The following GPR39 variants were observed in gnomAD, a reference collection of about 807,000 sequenced individuals.
GPR39 encodes the protein G protein-coupled receptor 39.
A neutral mutation model predicts 18.4 loss-of-function variants in GPR39; 23 were observed. The observed-to-expected ratio is 1.25, with a 90% CI of 0.90 to 1.77. GPR39 has a LOEUF of 1.77. Among genes scored for constraint, GPR39 ranks in the 40% most tolerant of loss-of-function variants. GPR39 has a pLI of 0.00. For missense variants in GPR39, 647 were observed against 602.4 expected (o/e 1.07, Z -0.78); for synonymous variants, 280 against 257.9 (o/e 1.09, Z -0.82).
At chr2:132,485,273 G>A (rs1260208638) in intron 1 of GPR39, among the ~76,000 whole-genome samples, 1 of 152,124 alleles carries the variant, frequency 6.6e-6, no homozygotes, top group Non-Finnish European at 1.5e-5. Flanking sequence ...GATCATCTGA[G>A]CCATCTGTGA....
rs1160992250 is a variant in GPR39, at chr2:132,493,158, TACCATATATAC to T, written c.856+75282_856+75292del. ...ACCATATATATACATTCCATATATA[TACCATATATAC>T]ACCATATATACACCATATATATACA... On this transcript the variant is annotated intron_variant, in intron 1 of 1. Transcript: ENST00000329321. Among the ~76,000 whole-genome samples, 572 of 140,530 alleles carry T rather than the reference TACCATATATAC, an allele frequency of 4.1e-3. 10 individuals carry two copies. The highest frequency in any genetic ancestry group is 0.014 in the African/African-American group (495 of 36,614). The allele number at this position is 140,530 out of a possible 152,430, so 92.2% of individuals were successfully genotyped here. A position where few individuals can be genotyped will look rare whatever the true frequency, so the allele number is the denominator to read the frequency against.
At chr2:132,579,684 T>C (rs193288766) in intron 1 of GPR39, among the ~76,000 whole-genome samples, 113 of 152,152 alleles carry the variant, frequency 7.4e-4, no homozygotes, top group Non-Finnish European at 3.5e-4. Context: ...TGACTAAAAA[T>C]TGAGTTTTTA....
chr2:132,480,421 C>G (rs1681212448), intron 1 of GPR39, among the ~76,000 whole-genome samples: 1 of 151,910 alleles, frequency 6.6e-6, no homozygotes, highest in Non-Finnish European at 1.5e-5. Context: ...TGTGGGCTTT[C>G]AAAACCATAA....
At chr2:132,514,358 A>G (rs189406336) in intron 1 of GPR39, among the ~76,000 whole-genome samples, 6 of 152,064 alleles carry the variant, frequency 3.9e-5, no homozygotes, top group Middle Eastern at 3.4e-3. Context: ...GTACACCCTC[A>G]CCATTGCTCC....
Position 132,646,047 on chromosome 2 carries a change from A to G in GPR39, c.*441A>G. The G allele has an allele frequency of 1.9e-6, 3 of 1,556,200 alleles. No homozygotes were observed. The highest frequency in any genetic ancestry group is 2.6e-6 in the Non-Finnish European group (3 of 1,148,230). Reference sequence around the variant, plus strand: ...AGGGGGTGGCATCTCCTTCAGCTTCAGCAGTGTGCCGAGAAGAGGGCTAAT... The same window carrying G: ...AGGGGGTGGCATCTCCTTCAGCTTCGGCAGTGTGCCGAGAAGAGGGCTAAT... On this transcript the variant is annotated 3_prime_UTR_variant, in exon 2 of 2. Coordinates refer to ENST00000329321, the MANE Select transcript of GPR39 (RefSeq NM_001508.3).
At chr2:132,427,749 A>C (rs1680152976) in intron 1 of GPR39, among the ~76,000 whole-genome samples, 1 of 150,332 alleles carries the variant, frequency 6.7e-6, no homozygotes, top group African/African-American at 2.4e-5. Context: ...TATAGTGACT[A>C]TTCACAGACA....
intron 1 of GPR39, among the ~76,000 whole-genome samples, chr2:132,541,782 C>A (rs943187793): frequency 6.6e-6 from 1 of 152,160 alleles, no homozygotes; most frequent in Admixed American, 6.5e-5. Context: ...AAGTAGAGAT[C>A]ATAGTCATGT....
At chr2:132,624,244 T>C (rs1381765088) in intron 1 of GPR39, among the ~76,000 whole-genome samples, 4 of 152,192 alleles carry the variant, frequency 2.6e-5, no homozygotes, top group African/African-American at 7.2e-5. Flanking sequence ...TCTGTGCATG[T>C]CTGTGTCCAA....
At chr2:132,551,291 A>T (rs568073000) in intron 1 of GPR39, among the ~76,000 whole-genome samples, 7 of 152,298 alleles carry the variant, frequency 4.6e-5, no homozygotes, top group African/African-American at 1.7e-4. Flanking sequence ...GGGAAAAAAA[A>T]ACTTTCCCAG....
chr2:132,513,889 A>AT (rs1011770713), intron 1 of GPR39, among the ~76,000 whole-genome samples: 1 of 152,008 alleles, frequency 6.6e-6, no homozygotes, highest in Non-Finnish European at 1.5e-5. Flanking sequence ...AATATTTTGT[A>AT]TTTTTTGTAG....
chr2:132,495,183 G>A lies in GPR39; in HGVS notation c.856+77285G>A, dbSNP rs1681616612. Reference sequence around the variant, plus strand: ...AGAGAGCATCATAGCATATATGCTGGCATGTTCTAGAAGGCTCCATGGAGG... The same window carrying A: ...AGAGAGCATCATAGCATATATGCTGACATGTTCTAGAAGGCTCCATGGAGG... On this transcript the variant is annotated intron_variant, in intron 1 of 1. Transcript: ENST00000329321. Among the ~76,000 whole-genome samples the A allele has an allele frequency of 5.9e-5, 9 of 152,198 alleles. No homozygotes were observed. In the South Asian group the frequency reaches 1.9e-3, roughly 31 times the overall value.
chr2:132,430,792 CAG>C (rs1680212013), intron 1 of GPR39, among the ~76,000 whole-genome samples: 1 of 152,308 alleles, frequency 6.6e-6, no homozygotes, highest in Non-Finnish European at 1.5e-5. Context: ...GAGCGGGTTA[CAG>C]AGCCAGGGAG....
rs1681952782 is a variant in GPR39, at chr2:132,644,620, G to A, written c.857-481G>A. ...AAATATGCTGCTTTGTTGCCAAAGG[G>A]ACACTTCTTCCATTTGATTTAAAAA... On this transcript the variant is annotated intron_variant, in intron 1 of 1. Coordinates refer to ENST00000329321, the MANE Select transcript of GPR39 (RefSeq NM_001508.3). Among the ~76,000 whole-genome samples the A allele has an allele frequency of 2.0e-5, 3 of 152,206 alleles. No homozygotes were observed. The South Asian group carries it at 6.2e-4, about 32-fold the overall frequency.
Position 132,592,700 on chromosome 2 carries a change from G to T in GPR39, c.857-52401G>T, listed in dbSNP as rs1182624582. ...TTAGAAAGCTAACGCAGTAATCCAA[G>T]GGAGAGACCTGTGGCTTAGACCAGG... On this transcript the variant is annotated intron_variant, in intron 1 of 1. Transcript: ENST00000329321. 3.3e-5 allele frequency among the ~76,000 whole-genome samples: 5 copies of T among 152,290 alleles called. No individual in the cohort carries two copies. The South Asian group carries it at 6.2e-4, about 19-fold the overall frequency.
At chr2:132,585,966 T>TTTTG in intron 1 of GPR39, among the ~76,000 whole-genome samples, 1 of 145,686 alleles carries the variant, frequency 6.9e-6, no homozygotes, top group Non-Finnish European at 1.5e-5. Context: ...TTTTTTTTTT[T>TTTTG]TTTTTTAATG....
chr2:132,448,578 C>T (rs1053738626), intron 1 of GPR39, among the ~76,000 whole-genome samples: 1 of 152,180 alleles, frequency 6.6e-6, no homozygotes. Flanking sequence ...CCGAGTGCTG[C>T]CTGCAATGAT....
intron 1 of GPR39, among the ~76,000 whole-genome samples, chr2:132,477,417 T>C (rs146819760): frequency 4.2e-4 from 64 of 152,154 alleles, no homozygotes; most frequent in African/African-American, 1.5e-3. Context: ...AGAGGAAATA[T>C]CAGCTGGGCA....
chr2:132,485,200 G>A (rs747153087), intron 1 of GPR39, among the ~76,000 whole-genome samples: 33 of 152,188 alleles, frequency 2.2e-4, no homozygotes, highest in Non-Finnish European at 4.3e-4. Flanking sequence ...TCTAAGCATT[G>A]TGTCTAAAAA....
At chr2:132,622,762 C>G (rs1399662141) in intron 1 of GPR39, among the ~76,000 whole-genome samples, 1 of 152,178 alleles carries the variant, frequency 6.6e-6, no homozygotes, top group Non-Finnish European at 1.5e-5. Flanking sequence ...TGCCACCCAT[C>G]ATGTGATGCC....
Sources: allele counts gnomAD v4.1 joint callset (sites outside exome capture counted in the v4.1 genomes callset), GRCh38; gene constraint gnomAD v4.1.1; transcripts MANE v1.5; gene names NCBI Gene and HGNC (gene_info 2026-07-23, HGNC 2026-07-21).